Variants in STARD13 observed in about 807,000 individuals in gnomAD.
STARD13 encodes the protein StAR related lipid transfer domain containing 13, also known as stAR-related lipid transfer protein 13.
A neutral mutation model predicts 106.4 loss-of-function variants in STARD13; 62 were observed. That is an observed-to-expected ratio of 0.58 (90% CI 0.48 to 0.72). The LOEUF (loss-of-function observed/expected upper bound fraction) is 0.72. Ranked by LOEUF, STARD13 falls within the 30% of genes least tolerant of loss-of-function variation. The pLI, the probability that STARD13 is intolerant of heterozygous loss-of-function variation, is 0.00. For missense variants in STARD13, 1,387 were observed against 1,424.0 expected, an observed-to-expected ratio of 0.97 and a Z score of 0.42; for synonymous variants, 565 against 553.0, an observed-to-expected ratio of 1.02 and a Z score of -0.31.
the STARD13 span, among the ~76,000 whole-genome samples, chr13:33,487,867 T>G: frequency 6.6e-6 from 1 of 152,218 alleles, no homozygotes; most frequent in Admixed American, 6.5e-5. Flanking sequence ...CAATCTGGCA[T>G]ACAACCCATC....
chr13:33,593,581 A>G, the STARD13 span, among the ~76,000 whole-genome samples: 3 of 152,206 alleles, frequency 2.0e-5, no homozygotes, highest in Admixed American at 2.0e-4. Flanking sequence ...CAGGACATTT[A>G]TGCACAGATT....
chr13:33,266,616 A>C (rs1890909292), intron 1 of STARD13, among the ~76,000 whole-genome samples: 1 of 152,170 alleles, frequency 6.6e-6, no homozygotes, highest in Admixed American at 6.5e-5. Context: ...CCTGCTTAGG[A>C]CAACTCTGCG....
At chr13:33,620,707 AAAT>A in the STARD13 span, among the ~76,000 whole-genome samples, 1 of 151,308 alleles carries the variant, frequency 6.6e-6, no homozygotes, top group African/African-American at 2.4e-5. Context: ...TAAAATATAT[AAAT>A]AATAATACAT....
the STARD13 span, among the ~76,000 whole-genome samples, chr13:33,467,424 G>T: frequency 6.6e-6 from 1 of 152,154 alleles, no homozygotes; most frequent in Non-Finnish European, 1.5e-5. Flanking sequence ...GGGAGTGGCT[G>T]TAAATACAGA....
the STARD13 span, among the ~76,000 whole-genome samples, chr13:33,513,773 G>A: frequency 6.6e-6 from 1 of 151,976 alleles, no homozygotes; most frequent in Admixed American, 6.6e-5. Flanking sequence ...ATGAGCTTCT[G>A]AGCAGATTTT....
the STARD13 span, among the ~76,000 whole-genome samples, chr13:33,650,367 T>G: frequency 6.6e-6 from 1 of 150,568 alleles, no homozygotes; most frequent in African/African-American, 2.5e-5. Flanking sequence ...ATTTTTTGTA[T>G]TTTTAGTAGA....
intron 1 of STARD13, among the ~76,000 whole-genome samples, chr13:33,312,903 G>C (rs1011924044): frequency 6.6e-6 from 1 of 152,188 alleles, no homozygotes; most frequent in Non-Finnish European, 1.5e-5. Flanking sequence ...AGATTTACCA[G>C]GGTTCTACTT....
chr13:33,138,668 C>T (rs530051911), intron 4 of STARD13: 11 of 294,778 alleles, frequency 3.7e-5, no homozygotes, highest in East Asian at 2.2e-4. Flanking sequence ...AGGAATGGGC[C>T]GCTGGGAATG....
intron 1 of STARD13, among the ~76,000 whole-genome samples, chr13:33,327,884 C>A (rs941759739): frequency 1.3e-5 from 2 of 152,140 alleles, no homozygotes; most frequent in African/African-American, 4.8e-5. Flanking sequence ...AAAACTGAAA[C>A]CTGAACAAAG....
At chr13:33,541,655 T>A in the STARD13 span, among the ~76,000 whole-genome samples, 3 of 152,188 alleles carry the variant, frequency 2.0e-5, no homozygotes. Flanking sequence ...TTCCTTTCCC[T>A]CTGGCTTTTA....
chr13:33,282,944 C>T (rs931495727), intron 1 of STARD13, among the ~76,000 whole-genome samples: 4 of 152,074 alleles, frequency 2.6e-5, no homozygotes, highest in South Asian at 2.1e-4. Flanking sequence ...GTGGAAGGAT[C>T]GCTTGAGCCC....
the STARD13 span, among the ~76,000 whole-genome samples, chr13:33,613,988 G>A: frequency 6.6e-6 from 1 of 152,166 alleles, no homozygotes; most frequent in Non-Finnish European, 1.5e-5. Context: ...TGTTCAGATG[G>A]GGACTTCTAA....
chr13:33,171,062 T>C (rs1251939946), intron 1 of STARD13, among the ~76,000 whole-genome samples: 1 of 152,212 alleles, frequency 6.6e-6, no homozygotes, highest in Admixed American at 6.5e-5. Flanking sequence ...TTCACAAAGA[T>C]CTACCTAATG....
At chr13:33,196,692 T>C (rs1886648198) in intron 1 of STARD13, among the ~76,000 whole-genome samples, 1 of 152,150 alleles carries the variant, frequency 6.6e-6, no homozygotes, top group Non-Finnish European at 1.5e-5. Flanking sequence ...AGAGGCAACT[T>C]AAAAAGATTC....
rs1036446263 is a variant in STARD13, at chr13:33,104,890, C to T, written c.*703G>A. 6.5e-6 allele frequency: 1 copy of T among 153,430 alleles called. No homozygotes were observed. The highest frequency in any genetic ancestry group is 1.5e-5 in the Non-Finnish European group (1 of 68,032). The allele number at this position is 153,430 out of a possible 1,614,324, so 9.5% of individuals were successfully genotyped here. On this transcript the variant is annotated 3_prime_UTR_variant, in exon 14 of 14. Transcript: ENST00000336934. Reference sequence around the variant, plus strand: ...TTTAAATTTGGTAATGACTTCTCACCCCCCCATTTGCTTTAAGGAGGAGTA... The same window carrying T: ...TTTAAATTTGGTAATGACTTCTCACTCCCCCATTTGCTTTAAGGAGGAGTA...
intron 1 of STARD13, among the ~76,000 whole-genome samples, chr13:33,179,475 C>T (rs1039297541): frequency 6.6e-6 from 1 of 152,180 alleles, no homozygotes; most frequent in Non-Finnish European, 1.5e-5. Flanking sequence ...TGTTACTTTC[C>T]CATATTAGAA....
chr13:33,447,923 G>A, the STARD13 span, among the ~76,000 whole-genome samples: 1 of 152,116 alleles, frequency 6.6e-6, no homozygotes, highest in South Asian at 2.1e-4. Flanking sequence ...AGAATTAACT[G>A]ATTGAGATAA....
the STARD13 span, among the ~76,000 whole-genome samples, chr13:33,610,000 C>G: frequency 0.14 from 20,649 of 151,984 alleles, 2,238 homozygotes; most frequent in African/African-American, 0.29. Context: ...TGAATAGAAT[C>G]GATTTAAAAA....
At chr13:33,219,518 C>CA (rs55933962) in intron 1 of STARD13, among the ~76,000 whole-genome samples, 2,330 of 61,246 alleles carry the variant, frequency 0.038, 268 homozygotes, top group Non-Finnish European at 0.052. Context: ...GACTCCTTCT[C>CA]AAAAAAAAAA....
Sources: allele counts gnomAD v4.1 joint callset (sites outside exome capture counted in the v4.1 genomes callset), GRCh38; gene constraint gnomAD v4.1.1; transcripts MANE v1.5; gene names NCBI Gene and HGNC (gene_info 2026-07-23, HGNC 2026-07-21).